The following UTP14C variants were observed in gnomAD, a reference collection of about 807,000 sequenced individuals.
UTP14C encodes UTP14C small subunit processome component.
Under a neutral mutation model 14.6 loss-of-function variants are expected in UTP14C, and 10 were observed. That is an observed-to-expected ratio of 0.68 (90% CI 0.42 to 1.16). The LOEUF (loss-of-function observed/expected upper bound fraction) is 1.16. Ranked by LOEUF, UTP14C falls within the 50% of genes most tolerant of loss-of-function variation. The pLI, the probability that UTP14C is intolerant of heterozygous loss-of-function variation, is 0.00. For synonymous variants in UTP14C, 315 were observed against 331.6 expected, an observed-to-expected ratio of 0.95 and a Z score of 0.54; for missense variants, 818 against 890.8, an observed-to-expected ratio of 0.92 and a Z score of 1.04.
At chr13:52,027,846 C>G (rs968138188) in intron 1 of UTP14C, among the ~76,000 whole-genome samples, 2 of 152,090 alleles carry the variant, frequency 1.3e-5, no homozygotes, top group African/African-American at 4.8e-5. Flanking sequence ...TTTTGTTTTT[C>G]TAATACCTGT....
Position 52,030,434 on chromosome 13 carries a change from C to A in UTP14C, c.1630C>A (p.Pro544Thr). 1 of 1,614,208 alleles carries A rather than the reference C, an allele frequency of 6.2e-7. No individual in the cohort carries two copies. Among genetic ancestry groups the A allele is most frequent in the Non-Finnish European group, 8.5e-7 (1 of 1,180,038 alleles). Residue 544 changes from proline (P) to threonine (T), a missense_variant, in exon 2 of 2, where the codon CCT becomes ACT. Physicochemically the swap from Pro to Thr is conservative, Grantham distance 38. Coordinates refer to ENST00000521776, the MANE Select transcript of UTP14C (RefSeq NM_021645.6). ...QQSERTPNNR[P>T]DAPKEKKEKE... The stretch of plus-strand genomic sequence containing the variant: ...GTCAGAGAGGACCCCAAATAATCGG[C>A]CTGATGCCCCTAAGGAGAAGAAAGA...
Position 52,028,846 on chromosome 13 carries a change from C to T in UTP14C, c.42C>T (p.His14=), listed in dbSNP as rs1026661637. The change falls in exon 2 of 2, where the codon CAC becomes CAT. Residue 14 remains histidine (H), a synonymous_variant. Coordinates refer to ENST00000521776, the MANE Select transcript of UTP14C (RefSeq NM_021645.6). ...NQVAENLALS[H]QEELVDLPKN... is the part of the protein sequence containing the mutation. Reference sequence around the variant, plus strand: ...TTGCAGAGAATCTGGCTTTGAGCCACCAGGAAGAACTAGTGGATTTGCCAA... The same window carrying T: ...TTGCAGAGAATCTGGCTTTGAGCCATCAGGAAGAACTAGTGGATTTGCCAA... 4.3e-6 allele frequency: 7 copies of T among 1,614,022 alleles called. No homozygotes were observed. The African/African-American group carries it at 9.3e-5, about 22-fold the overall frequency.
Position 52,031,854 on chromosome 13 carries a change from AGTT to A in UTP14C, c.*753_*755del, listed in dbSNP as rs1176589630. On this transcript the variant is annotated 3_prime_UTR_variant, in exon 2 of 2. Coordinates refer to ENST00000521776, the MANE Select transcript of UTP14C (RefSeq NM_021645.6). ...CTCAGATTCTTCATCTGTAATCTGG[AGTT>A]GTTAATTCCAGTCCTTACTACCTTT... 3.0e-5 allele frequency: 5 copies of A among 167,052 alleles called. No homozygotes were observed. The highest frequency in any genetic ancestry group is 1.2e-4 in the African/African-American group (5 of 41,434). The allele number at this position is 167,052 out of a possible 1,614,324, so 10.3% of individuals were successfully genotyped here. A position where few individuals can be genotyped will look rare whatever the true frequency, so the allele number is the denominator to read the frequency against.
chr13:52,031,326 CAA>C lies in UTP14C; in HGVS notation c.*222_*223del, dbSNP rs1221024273. On this transcript the variant is annotated 3_prime_UTR_variant, in exon 2 of 2. Transcript: ENST00000521776. ...AATTCTAGTACATTTAAATTCTAAA[CAA>C]TACAGTGGATGACCCTTTTGAATAT... The C allele has an allele frequency of 1.5e-6, 1 of 664,234 alleles. No individual in the cohort carries two copies. Among genetic ancestry groups the C allele is most frequent in the South Asian group, 2.5e-5 (1 of 39,638 alleles). 41.1% of individuals were successfully genotyped at this position (664,234 alleles called of 1,614,324 possible). A position where few individuals can be genotyped will look rare whatever the true frequency, so the allele number is the denominator to read the frequency against.
chr13:52,026,497 C>G (rs1954241886), intron 1 of UTP14C, among the ~76,000 whole-genome samples: 1 of 152,160 alleles, frequency 6.6e-6, no homozygotes, highest in Non-Finnish European at 1.5e-5. Flanking sequence ...ATGAGCCGGC[C>G]TACTGTAGCA....
chr13:52,027,185 T>G (rs905244902), intron 1 of UTP14C, among the ~76,000 whole-genome samples: 3 of 152,010 alleles, frequency 2.0e-5, no homozygotes, highest in African/African-American at 7.3e-5. Flanking sequence ...AGTCAAGCAC[T>G]CAGAAGTGAA....
Position 52,029,151 on chromosome 13 carries a change from A to T in UTP14C, c.347A>T (p.Glu116Val). The T allele has an allele frequency of 6.2e-7, 1 of 1,614,246 alleles. No individual in the cohort carries two copies. The highest frequency in any genetic ancestry group is 8.5e-7 in the Non-Finnish European group (1 of 1,180,040). ...LNRVKSKKVV[E>V]LPLNKEKIEQ... Reference sequence around the variant, plus strand: ...AGAGTCAAATCAAAGAAGGTGGTGGAGTTACCTCTTAACAAAGAAAAAATT... The same window carrying T: ...AGAGTCAAATCAAAGAAGGTGGTGGTGTTACCTCTTAACAAAGAAAAAATT... The change falls in exon 2 of 2, where the codon GAG becomes GTG. Residue 116 changes from glutamate to valine, a missense_variant. Glu to Val is a moderately radical substitution (Grantham distance 121, BLOSUM62 -2). Transcript: ENST00000521776.
Position 52,029,996 on chromosome 13 carries a change from G to A in UTP14C, c.1192G>A (p.Ala398Thr), listed in dbSNP as rs747764840. 3.1e-6 allele frequency: 5 copies of A among 1,614,144 alleles called. No homozygotes were observed. The highest frequency in any genetic ancestry group is 1.1e-5 in the South Asian group (1 of 91,094). ...QEDPEQVPEL[A>T]AHEVSASEAE... ...GGACCCTGAGCAAGTGCCAGAGCTTGCAGCTCATGAGGTTTCTGCAAGTGA... is the reference window on the plus strand; with the variant it reads ...GGACCCTGAGCAAGTGCCAGAGCTTACAGCTCATGAGGTTTCTGCAAGTGA... The change falls in exon 2 of 2, where the codon GCA becomes ACA. Residue 398 changes from alanine to threonine, a missense_variant. Ala to Thr is a moderately conservative substitution (Grantham distance 58, BLOSUM62 0). Transcript: ENST00000521776.
Position 52,029,874 on chromosome 13 carries a change from C to T in UTP14C, c.1070C>T (p.Pro357Leu), listed in dbSNP as rs146487429. 16 of 1,614,042 alleles carry T rather than the reference C, an allele frequency of 9.9e-6. No individual in the cohort carries two copies. The highest frequency in any genetic ancestry group is 1.3e-5 in the Non-Finnish European group (15 of 1,180,050). Residue 357 changes from proline (P) to leucine (L), a missense_variant, in exon 2 of 2, where the codon CCT (proline) becomes CTT (leucine). Coordinates refer to ENST00000521776, the MANE Select transcript of UTP14C (RefSeq NM_021645.6). ...GGTEVEELLVPHVANEVQMNV... is the reference protein window; with the variant it reads ...GGTEVEELLVLHVANEVQMNV... ...ACAGAAGTGGAAGAACTCCTTGTCCCTCATGTAGCGAATGAAGTGCAGATG... is the reference window on the plus strand; with the variant it reads ...ACAGAAGTGGAAGAACTCCTTGTCCTTCATGTAGCGAATGAAGTGCAGATG...
chr13:52,027,519 C>T (rs1298701861), intron 1 of UTP14C, among the ~76,000 whole-genome samples: 1 of 152,192 alleles, frequency 6.6e-6, no homozygotes, highest in African/African-American at 2.4e-5. Context: ...ATGATATCAG[C>T]TCTGTACCAT....
intron 1 of UTP14C, among the ~76,000 whole-genome samples, chr13:52,027,176 G>A (rs1267956199): frequency 6.6e-6 from 1 of 152,098 alleles, no homozygotes; most frequent in Non-Finnish European, 1.5e-5. Context: ...AAAATCAAAA[G>A]TCAAGCACTC....
rs1485166179 is a variant in UTP14C, at chr13:52,032,847, C to G, written c.*1742C>G. The G allele has an allele frequency of 6.0e-6, 1 of 167,058 alleles. No homozygotes were observed. Among genetic ancestry groups the G allele is most frequent in the Non-Finnish European group, 1.5e-5 (1 of 68,110 alleles). The allele number at this position is 167,058 out of a possible 1,614,324, so 10.3% of individuals were successfully genotyped here. On this transcript the variant is annotated 3_prime_UTR_variant, in exon 2 of 2. Transcript: ENST00000521776. ...TAAATCTAAAGAATTTAGTAGATTCCTTCAGTGTCACAAAGCTGTTTCATG... is the reference window on the plus strand; with the variant it reads ...TAAATCTAAAGAATTTAGTAGATTCGTTCAGTGTCACAAAGCTGTTTCATG...
rs773554796 is a variant in UTP14C, at chr13:52,029,727, A to G, written c.923A>G (p.Lys308Arg). The G allele has an allele frequency of 2.5e-6, 4 of 1,614,228 alleles. No homozygotes were observed. The highest frequency in any genetic ancestry group is 3.4e-6 in the Non-Finnish European group (4 of 1,180,036). Residue 308 changes from lysine to arginine, a missense_variant, in exon 2 of 2, where the codon AAG (lysine) becomes AGG (arginine). By Grantham distance (26) the Lys-to-Arg change is conservative. Coordinates refer to ENST00000521776, the MANE Select transcript of UTP14C (RefSeq NM_021645.6). Reference protein sequence around the residue: ...HQNSGKWAKSKAIMAKYDLEA... With the variant: ...HQNSGKWAKSRAIMAKYDLEA... The stretch of plus-strand genomic sequence containing the variant: ...AACAGTGGGAAATGGGCCAAGTCAA[A>G]GGCAATTATGGCCAAATATGACCTG...
rs561755532 is a variant in UTP14C, at chr13:52,031,487, G to A, written c.*382G>A. 5.1e-6 allele frequency: 1 copy of A among 196,046 alleles called. No homozygotes were observed. The highest frequency in any genetic ancestry group is 1.4e-4 in the East Asian group (1 of 7,112). 12.1% of individuals were successfully genotyped at this position (196,046 alleles called of 1,614,324 possible). On this transcript the variant is annotated 3_prime_UTR_variant, in exon 2 of 2. Transcript: ENST00000521776. ...GGTGGTAGAGGCCAAGGTGCTGCCA[G>A]CAATCCTTTCCATACTAGGTACTGG...
At chr13:52,025,023 C>T (rs895537016) in intron 1 of UTP14C, 86 bp downstream of exon 1, 4 of 1,402,626 alleles carry the variant, frequency 2.9e-6, no homozygotes, top group African/African-American at 2.8e-5. Context: ...CTCTGGAAAT[C>T]TGCATCATGC....
chr13:52,030,353 AAAG>A lies in UTP14C; in HGVS notation c.1554_1556del (p.Glu518del), dbSNP rs775165163. ...TCTGGAAGAGCTAGAAGAGCTGGGA[AAAG>A]AAGATTGTTTTCAAAATAAGGAGCT... is the stretch of plus-strand genomic sequence containing the variant. On this transcript the variant is annotated inframe_deletion, in exon 2 of 2. Transcript: ENST00000521776. 3.1e-6 allele frequency: 5 copies of A among 1,614,208 alleles called. No individual in the cohort carries two copies. The highest frequency in any genetic ancestry group is 1.7e-5 in the Admixed American group (1 of 60,026).
Position 52,024,807 on chromosome 13 carries a change from GCTGT to G in UTP14C, c.-613_-610del. ...AACTTAGGGTAAACCAACTGAGAAG[GCTGT>G]CTGAGGATTTAGGAGTTCAAGAATA... On this transcript the variant is annotated 5_prime_UTR_variant, in exon 1 of 2. An upstream open reading frame in the 5' UTR gains an earlier in-frame stop. Coordinates refer to ENST00000521776, the MANE Select transcript of UTP14C (RefSeq NM_021645.6). 6.2e-7 allele frequency: 1 copy of G among 1,614,144 alleles called. No individual in the cohort carries two copies. The highest frequency in any genetic ancestry group is 8.5e-7 in the Non-Finnish European group (1 of 1,179,980).
chr13:52,028,570 G>C lies in UTP14C; in HGVS notation c.-235G>C, dbSNP rs906301474. The C allele has an allele frequency of 6.2e-7, 1 of 1,614,118 alleles. No individual in the cohort carries two copies. The highest frequency in any genetic ancestry group is 8.5e-7 in the Non-Finnish European group (1 of 1,179,970). On this transcript the variant is annotated 5_prime_UTR_variant, in exon 2 of 2. Coordinates refer to ENST00000521776, the MANE Select transcript of UTP14C (RefSeq NM_021645.6). ...ATTTGAAGTGACATTCCTATCATCT[G>C]TGGAAAAGTTATTTAAGTAATGCCA... is the stretch of plus-strand genomic sequence containing the variant.
chr13:52,028,742 G>T lies in UTP14C; in HGVS notation c.-63G>T. 1 of 1,610,774 alleles carries T rather than the reference G, an allele frequency of 6.2e-7. No homozygotes were observed. The highest frequency in any genetic ancestry group is 2.2e-5 in the East Asian group (1 of 44,838). ...TTAGAATAAAAGGAAGTGTTGAAAA[G>T]AAAATGGATGACTAGCCTTCGGCTT... On this transcript the variant is annotated 5_prime_UTR_variant, in exon 2 of 2. Coordinates refer to ENST00000521776, the MANE Select transcript of UTP14C (RefSeq NM_021645.6).
Sources: gnomAD v4.1 joint callset for allele counts (sites outside exome capture counted in the v4.1 genomes callset) on GRCh38, gnomAD v4.1.1 for gene constraint, MANE v1.5 for transcripts, NCBI Gene and HGNC (gene_info 2026-07-23, HGNC 2026-07-21) for gene names.